P2RX3: variants seen among roughly 807,000 people sequenced by gnomAD.
The protein encoded by P2RX3 is P2X purinoceptor 3.
Under a neutral mutation model 51.5 loss-of-function variants are expected in P2RX3, and 41 were observed. The ratio of observed to expected loss-of-function variants is 0.80; its 90% CI spans 0.62 to 1.03. The LOEUF (loss-of-function observed/expected upper bound fraction) is 1.03, where lower values mean the gene tolerates loss of function less well. P2RX3 is among the 50% of genes least tolerant of loss of function. The pLI is 0.00. For missense variants in P2RX3, 459 were observed against 522.1 expected (o/e 0.88, Z 1.18); for synonymous variants, 185 against 191.6 (o/e 0.97, Z 0.29).
intron 1 of P2RX3, among the ~76,000 whole-genome samples, chr11:57,341,268 G>A (rs926842929): frequency 2.6e-5 from 4 of 152,124 alleles, no homozygotes; most frequent in Admixed American, 6.5e-5. Context: ...GGACCCAATC[G>A]AATTTGAAGG....
At chr11:57,351,242 A>G (rs1856543396) in intron 8 of P2RX3, among the ~76,000 whole-genome samples, 1 of 152,212 alleles carries the variant, frequency 6.6e-6, no homozygotes, top group African/African-American at 2.4e-5. Flanking sequence ...AGTGACTTCC[A>G]GATAGGCCCA....
Position 57,370,068 on chromosome 11 carries a change from G to GA in P2RX3, c.*71_*72insA. The GA allele has an allele frequency of 9.3e-7, 1 of 1,071,204 alleles. No homozygotes were observed. Among genetic ancestry groups the GA allele is most frequent in the Non-Finnish European group, 1.4e-6 (1 of 709,954 alleles). The allele number at this position is 1,071,204 out of a possible 1,614,324, so 66.4% of individuals were successfully genotyped here. On this transcript the variant is annotated 3_prime_UTR_variant, in exon 12 of 12. Transcript: ENST00000263314. Reference sequence around the variant, plus strand: ...CACAGAGGACCCTGCCTGAGCAAGGGGCATGGGAGGGAAGAGGGGCTCTCA... The same window carrying GA: ...CACAGAGGACCCTGCCTGAGCAAGGGAGCATGGGAGGGAAGAGGGGCTCTCA...
At chr11:57,352,348 A>C (rs1324092494) in intron 8 of P2RX3, among the ~76,000 whole-genome samples, 1 of 152,234 alleles carries the variant, frequency 6.6e-6, no homozygotes, top group Non-Finnish European at 1.5e-5. Flanking sequence ...GAAACAACAC[A>C]TATTTTAAAG....
chr11:57,337,788 AACC>A (rs1856262889), upstream of P2RX3, among the ~76,000 whole-genome samples: 1 of 152,264 alleles, frequency 6.6e-6, no homozygotes, highest in South Asian at 2.1e-4. Context: ...ATATGTAACA[AACC>A]TGCACGTTGT....
chr11:57,368,197 G>A, intron 9 of P2RX3, 95 bp downstream of exon 9: 1 of 1,395,792 alleles, frequency 7.2e-7, no homozygotes, highest in Non-Finnish European at 1.0e-6. Context: ...GCAGGGGTCT[G>A]CTGCTGGCCA....
chr11:57,347,054 T>C (rs2134415420), intron 2 of P2RX3, 62 bp from the exon 3 acceptor site: 8 of 1,456,680 alleles, frequency 5.5e-6, no homozygotes, highest in Non-Finnish European at 7.7e-6. Flanking sequence ...TAATCAGTTA[T>C]AGTCCCTGTC....
At chr11:57,369,222 A>G (rs1202454807) in intron 10 of P2RX3, 139 bp from the exon 11 acceptor site, 2 of 714,262 alleles carry the variant, frequency 2.8e-6, no homozygotes, top group Non-Finnish European at 4.8e-6. Context: ...ACTATCCCAA[A>G]AGTTTGTTGC....
chr11:57,336,907 A>T (rs1418675943), upstream of P2RX3, among the ~76,000 whole-genome samples: 3 of 152,216 alleles, frequency 2.0e-5, no homozygotes, highest in Non-Finnish European at 4.4e-5. Context: ...ATTATCTAGC[A>T]AAATAAATTC....
At chr11:57,353,002 C>T (rs1856571359) in intron 8 of P2RX3, among the ~76,000 whole-genome samples, 3 of 152,200 alleles carry the variant, frequency 2.0e-5, no homozygotes, top group East Asian at 1.9e-4. Context: ...ATATCAGTGG[C>T]AAGCAGAGGG....
In P2RX3 at chr11:57,371,443, T is replaced by C. The variant is rs1856884910; in HGVS notation, c.*1446T>C. Among the ~76,000 whole-genome samples, 1 of 152,250 alleles carries C rather than the reference T, an allele frequency of 6.6e-6. No homozygotes were observed. Among genetic ancestry groups the C allele is most frequent in the Admixed American group, 6.5e-5 (1 of 15,290 alleles). ...CAGAGTGGGCATGATCATGAGGTCT[T>C]AGCTGCACCAGCTCAACTGTAGATG... On this transcript the variant is annotated 3_prime_UTR_variant, in exon 12 of 12. Coordinates refer to ENST00000263314, the MANE Select transcript of P2RX3 (RefSeq NM_002559.5).
Position 57,361,822 on chromosome 11 carries a change from G to A in P2RX3, c.843-6187G>A, listed in dbSNP as rs529896321. Among the ~76,000 whole-genome samples, 17 of 152,278 alleles carry A rather than the reference G, an allele frequency of 1.1e-4. No individual in the cohort carries two copies. In the South Asian group the frequency reaches 3.1e-3, roughly 28 times the overall value. The stretch of plus-strand genomic sequence containing the variant: ...ATATACCCAGTAAGGGGATTGCTGG[G>A]TTAAATGGTATTGCCGGTTTCAGGG... On this transcript the variant is annotated intron_variant, in intron 8 of 11. Coordinates refer to ENST00000263314, the MANE Select transcript of P2RX3 (RefSeq NM_002559.5).
intron 1 of P2RX3, among the ~76,000 whole-genome samples, chr11:57,339,180 A>T (rs1348080512): frequency 6.6e-6 from 1 of 152,196 alleles, no homozygotes; most frequent in Admixed American, 6.5e-5. Flanking sequence ...GATCTGTTTT[A>T]GAATGAGGAA....
intron 1 of P2RX3, among the ~76,000 whole-genome samples, chr11:57,344,983 T>A (rs769990061): frequency 5.9e-5 from 9 of 152,202 alleles, no homozygotes; most frequent in Non-Finnish European, 1.3e-4. Flanking sequence ...AGCCTCCACC[T>A]GAGGAAGGGG....
At chr11:57,368,874 G>A (rs997879471) in intron 10 of P2RX3, among the ~76,000 whole-genome samples, 2 of 152,102 alleles carry the variant, frequency 1.3e-5, no homozygotes, top group African/African-American at 4.8e-5. Flanking sequence ...TCACCCCTAG[G>A]AGCTGGGAAG....
chr11:57,339,637 G>T (rs911209753), intron 1 of P2RX3, among the ~76,000 whole-genome samples: 4 of 152,176 alleles, frequency 2.6e-5, no homozygotes, highest in Non-Finnish European at 5.9e-5. Flanking sequence ...GGAAATACAG[G>T]CAGAAACCTC....
intron 8 of P2RX3, among the ~76,000 whole-genome samples, chr11:57,361,375 C>A (rs1426316202): frequency 2.0e-5 from 3 of 152,012 alleles, no homozygotes; most frequent in African/African-American, 4.8e-5. Context: ...GGTAGTTTGC[C>A]GCACAATAAA....
intron 8 of P2RX3, among the ~76,000 whole-genome samples, chr11:57,367,040 G>A (rs1856808365): frequency 6.6e-6 from 1 of 152,178 alleles, no homozygotes; most frequent in Admixed American, 6.5e-5. Flanking sequence ...TGTTGCAAGG[G>A]TGAAATGAGA....
rs747995690 is a variant in P2RX3 at position 57,369,865 on chromosome 11, C to T, written c.1081-19C>T. ...TGCCCATAGTCAGAACTTGACAACA[C>T]CAGCTCTTTCGCCTGCAGGTGAATG... On this transcript the variant is annotated intron_variant, in intron 11 of 11. Transcript: ENST00000263314. 1.3e-6 allele frequency: 2 copies of T among 1,555,870 alleles called. No individual in the cohort carries two copies. The highest frequency in any genetic ancestry group is 1.8e-6 in the Non-Finnish European group (2 of 1,128,454).
intron 8 of P2RX3, among the ~76,000 whole-genome samples, chr11:57,358,120 TC>T (rs57913863): frequency 0.29 from 43,705 of 152,094 alleles, 6,588 homozygotes; most frequent in Non-Finnish European, 0.35. Flanking sequence ...AAAACCCTTC[TC>T]CATTCAGCAA....
Sources: allele counts gnomAD v4.1 joint callset (sites outside exome capture counted in the v4.1 genomes callset), GRCh38; gene constraint gnomAD v4.1.1; transcripts MANE v1.5; gene names NCBI Gene and HGNC (gene_info 2026-07-23, HGNC 2026-07-21).